The following ZFYVE28 variants were observed in gnomAD, a reference collection of about 807,000 sequenced individuals.
ZFYVE28 encodes the protein lateral signaling target protein 2 homolog.
A neutral mutation model predicts 82.1 loss-of-function variants in ZFYVE28; 40 were observed. The ratio of observed to expected loss-of-function variants is 0.49; its 90% confidence interval spans 0.38 to 0.63. ZFYVE28 has a LOEUF of 0.63. Among genes scored for constraint, ZFYVE28 ranks in the 30% least tolerant of loss-of-function variants. ZFYVE28 has a pLI of 0.00. For synonymous variants in ZFYVE28, 612 were observed against 546.1 expected (o/e 1.12, Z -1.68); for missense variants, 1,321 against 1,242.1 (o/e 1.06, Z -0.96).
chr4:2,346,486 T>C (rs1723616481), intron 2 of ZFYVE28, among the ~76,000 whole-genome samples: 1 of 152,138 alleles, frequency 6.6e-6, no homozygotes, highest in African/African-American at 2.4e-5. Context: ...CCTTTTTTAC[T>C]ATTTAATTTT....
intron 6 of ZFYVE28, among the ~76,000 whole-genome samples, chr4:2,322,538 C>G (rs1719247448): frequency 6.6e-6 from 1 of 152,140 alleles, no homozygotes; most frequent in Admixed American, 6.5e-5. Context: ...AGAGGACGCC[C>G]CGCACAGTGG....
chr4:2,389,643 A>G (rs1021857472), intron 1 of ZFYVE28, among the ~76,000 whole-genome samples: 28 of 152,172 alleles, frequency 1.8e-4, no homozygotes, highest in African/African-American at 6.8e-4. Flanking sequence ...CCTGCGTTGG[A>G]AGCATCCATT....
At chr4:2,383,265 T>G (rs183253719) in intron 1 of ZFYVE28, among the ~76,000 whole-genome samples, 1 of 152,096 alleles carries the variant, frequency 6.6e-6, no homozygotes, top group Non-Finnish European at 1.5e-5. Flanking sequence ...TGGGAGGTAA[T>G]TGAATCATAG....
intron 1 of ZFYVE28, among the ~76,000 whole-genome samples, chr4:2,390,554 G>A (rs1729719553): frequency 2.6e-5 from 4 of 152,170 alleles, no homozygotes; most frequent in Admixed American, 6.5e-5. Flanking sequence ...ATCTGGCAGC[G>A]AGGTGACCCG....
At chr4:2,364,100 C>T (rs928599523) in intron 1 of ZFYVE28, among the ~76,000 whole-genome samples, 1 of 152,206 alleles carries the variant, frequency 6.6e-6, no homozygotes, top group Non-Finnish European at 1.5e-5. Flanking sequence ...AAGGCCTCCC[C>T]AGGCCTCAGG....
intron 1 of ZFYVE28, among the ~76,000 whole-genome samples, chr4:2,368,502 C>T (rs777090578): frequency 8.3e-6 from 1 of 120,824 alleles, no homozygotes; most frequent in Non-Finnish European, 1.8e-5. Context: ...AGAAACCACA[C>T]CTGTTAGCAG....
At chr4:2,378,271 G>A (rs982068558) in intron 1 of ZFYVE28, among the ~76,000 whole-genome samples, 2 of 152,192 alleles carry the variant, frequency 1.3e-5, no homozygotes, top group Non-Finnish European at 2.9e-5. Flanking sequence ...AACCCGGGAG[G>A]CGGAAGTTGC....
At chr4:2,331,273 G>A (rs1200801435) in intron 6 of ZFYVE28, among the ~76,000 whole-genome samples, 1 of 151,980 alleles carries the variant, frequency 6.6e-6, no homozygotes, top group Non-Finnish European at 1.5e-5. Context: ...GGGCAGGCAG[G>A]TCTGTGCTGA....
intron 2 of ZFYVE28, among the ~76,000 whole-genome samples, chr4:2,346,532 G>GA (rs578032570): frequency 1.1e-4 from 16 of 151,874 alleles, no homozygotes; most frequent in East Asian, 9.7e-4. Flanking sequence ...CCGTTTAAAT[G>GA]AAAAAAATAC....
chr4:2,308,627 CAGAAAGAAAGAAAGAA>C (rs58958771), intron 7 of ZFYVE28, among the ~76,000 whole-genome samples: 21 of 79,520 alleles, frequency 2.6e-4, no homozygotes, highest in African/African-American at 3.7e-4. Flanking sequence ...AGAAAGAAGA[CAGAAAGAAAGAAAGAA>C]AGAAAGAAAG....
At chr4:2,298,355 A>C (rs937450295) in intron 8 of ZFYVE28, among the ~76,000 whole-genome samples, 1 of 152,186 alleles carries the variant, frequency 6.6e-6, no homozygotes, top group African/African-American at 2.4e-5. Context: ...TCCGTTTTGC[A>C]TATGACAAAA....
intron 6 of ZFYVE28, chr4:2,328,995 T>C (rs1720283013): frequency 3.2e-6 from 2 of 629,164 alleles, no homozygotes; most frequent in East Asian, 2.7e-5. Context: ...CATCTATCTT[T>C]ATGCCAGTAC....
At chr4:2,309,707 T>C (rs768284025) in intron 7 of ZFYVE28, among the ~76,000 whole-genome samples, 11 of 152,218 alleles carry the variant, frequency 7.2e-5, no homozygotes, top group Non-Finnish European at 1.5e-4. Flanking sequence ...AGACATCTTC[T>C]TCCCAATCTC....
intron 1 of ZFYVE28, among the ~76,000 whole-genome samples, chr4:2,403,971 GAAAA>G (rs35312512): frequency 0.14 from 17,627 of 128,958 alleles, 1,175 homozygotes; most frequent in African/African-American, 0.15. Context: ...CTCCATTTCG[GAAAA>G]AAAAAAAAAA....
rs1301704112 is a variant in ZFYVE28 at position 2,404,463 on chromosome 4, C to G, written c.39+13822G>C. Among the ~76,000 whole-genome samples, 3 of 152,230 alleles carry G rather than the reference C, an allele frequency of 2.0e-5. 1 individual carries two copies. The highest frequency in any genetic ancestry group is 4.1e-4 in the South Asian group (2 of 4,838). On this transcript the variant is annotated intron_variant, in intron 1 of 12. Transcript: ENST00000290974. ...AAATGGAGACTACCCAAATGTCCAT[C>G]AGCAGGTGAATGGAAAACAAAAAGT...
At position 2,394,230 on chromosome 4, in the gene ZFYVE28, C is replaced by T. The variant is rs922691113; in HGVS notation, c.39+24055G>A. On this transcript the variant is annotated intron_variant, in intron 1 of 12. Transcript: ENST00000290974. The surrounding 1 kb of genome is among the most constrained non-coding windows in gnomAD (Gnocchi z 4.0). ...ATCGGAAGGTCAACTGACGAGCAGG[C>T]GTAGTTCCATCTTTAACCTTTACTT... Among the ~76,000 whole-genome samples the T allele has an allele frequency of 6.6e-5, 10 of 152,170 alleles. No individual in the cohort carries two copies. Among genetic ancestry groups the T allele is most frequent in the Non-Finnish European group, 1.5e-4 (10 of 68,030 alleles).
chr4:2,338,947 C>T (rs538838623), intron 4 of ZFYVE28, among the ~76,000 whole-genome samples: 61 of 152,110 alleles, frequency 4.0e-4, no homozygotes, highest in African/African-American at 1.4e-3. Flanking sequence ...GCCTCAGCTT[C>T]CTGAGTGGCG....
At chr4:2,284,114 T>C (rs751455969) in intron 8 of ZFYVE28, among the ~76,000 whole-genome samples, 1 of 152,198 alleles carries the variant, frequency 6.6e-6, no homozygotes, top group Non-Finnish European at 1.5e-5. Flanking sequence ...TCCACATTCA[T>C]TGACATCAAT....
intron 6 of ZFYVE28, among the ~76,000 whole-genome samples, chr4:2,333,792 G>A (rs1018722989): frequency 6.6e-6 from 1 of 152,252 alleles, no homozygotes; most frequent in African/African-American, 2.4e-5. Context: ...AAACAAGGCC[G>A]GCTCGCAGGA....
Sources: allele counts gnomAD v4.1 joint callset (sites outside exome capture counted in the v4.1 genomes callset), GRCh38; gene constraint gnomAD v4.1.1; non-coding constraint Gnocchi (gnomAD v3.1); transcripts MANE v1.5; gene names NCBI Gene and HGNC (gene_info 2026-07-23, HGNC 2026-07-21).